The following NKAIN3 variants were observed in gnomAD, a reference collection of about 807,000 sequenced individuals.
The protein encoded by NKAIN3 is sodium/potassium transporting ATPase interacting 3.
In NKAIN3, 25 loss-of-function variants were observed where a neutral mutation model predicts 30.2. The observed-to-expected ratio is 0.83, with a 90% CI of 0.60 to 1.16. NKAIN3 has a LOEUF of 1.16. Ranked by LOEUF, NKAIN3 falls within the 50% of genes most tolerant of loss-of-function variation. The probability of loss-of-function intolerance (pLI) is 0.00; values close to 1 mark genes in which losing one functional copy is unlikely to be tolerated. For synonymous variants in NKAIN3, 91 were observed against 89.6 expected (o/e 1.02, Z -0.09); for missense variants, 225 against 254.1 (o/e 0.89, Z 0.78).
At chr8:62,939,072 T>A (rs1385566206) in intron 5 of NKAIN3, among the ~76,000 whole-genome samples, 1 of 152,056 alleles carries the variant, frequency 6.6e-6, no homozygotes, top group Non-Finnish European at 1.5e-5. Context: ...TCACAATTTC[T>A]GGAAATGAAG....
chr8:62,331,163 C>T (rs373847257), intron 1 of NKAIN3, among the ~76,000 whole-genome samples: 1 of 148,418 alleles, frequency 6.7e-6, no homozygotes, highest in Non-Finnish European at 1.5e-5. Flanking sequence ...TTCCTCCCCC[C>T]CAAAGCCCTA....
At chr8:62,880,829 T>C (rs1188088896) in intron 4 of NKAIN3, among the ~76,000 whole-genome samples, 1 of 152,204 alleles carries the variant, frequency 6.6e-6, no homozygotes, top group Non-Finnish European at 1.5e-5. Context: ...TGGCCAAGCA[T>C]ACACGTGCTG....
At chr8:62,770,753 G>T (rs1816983059) in intron 4 of NKAIN3, among the ~76,000 whole-genome samples, 1 of 149,930 alleles carries the variant, frequency 6.7e-6, no homozygotes. Flanking sequence ...AACAGCCCAG[G>T]ATAAAAAATA....
At chr8:62,451,311 C>A (rs1187951111) in intron 1 of NKAIN3, among the ~76,000 whole-genome samples, 1 of 143,576 alleles carries the variant, frequency 7.0e-6, no homozygotes, top group African/African-American at 2.6e-5. Flanking sequence ...CCCCTCCCCT[C>A]CCCTCTCCTT....
chr8:62,813,499 C>CTTTTTTTTTTT (rs34402019), intron 4 of NKAIN3, among the ~76,000 whole-genome samples: 1 of 141,540 alleles, frequency 7.1e-6, no homozygotes, highest in Non-Finnish European at 1.6e-5. Flanking sequence ...TTGAGTCTTC[C>CTTTTTTTTTTT]TTTTTTTTTT....
intron 3 of NKAIN3, among the ~76,000 whole-genome samples, chr8:62,740,628 T>C (rs1055451138): frequency 4.4e-5 from 4 of 91,206 alleles, no homozygotes; most frequent in Non-Finnish European, 8.4e-5. Flanking sequence ...TGGTATACTG[T>C]AAAGAAGTGA....
chr8:62,968,119 C>A lies in NKAIN3; in HGVS notation c.*2712C>A, dbSNP rs559230906. Among the ~76,000 whole-genome samples, 10 of 152,324 alleles carry A rather than the reference C, an allele frequency of 6.6e-5. No homozygotes were observed. The East Asian group carries it at 1.9e-3, about 29-fold the overall frequency. ...CCTAACATTCTGGATATTTGCCACT[C>A]ATCAGAAACAAGTTAGATTGATCTG... On this transcript the variant is annotated 3_prime_UTR_variant, in exon 7 of 7. Transcript: ENST00000623646.
At chr8:62,551,227 G>C (rs1159133497) in intron 1 of NKAIN3, among the ~76,000 whole-genome samples, 1 of 152,076 alleles carries the variant, frequency 6.6e-6, no homozygotes, top group Non-Finnish European at 1.5e-5. Context: ...AGATAAGAGG[G>C]AATGAAGAGG....
At chr8:62,667,065 C>T (rs770842482) in intron 3 of NKAIN3, among the ~76,000 whole-genome samples, 4 of 145,906 alleles carry the variant, frequency 2.7e-5, no homozygotes, top group Non-Finnish European at 5.9e-5. Flanking sequence ...AGCAGCACAC[C>T]GCTTTTCATG....
At chr8:62,706,913 A>G (rs1025491303) in intron 3 of NKAIN3, among the ~76,000 whole-genome samples, 47 of 152,034 alleles carry the variant, frequency 3.1e-4, no homozygotes, top group Admixed American at 2.0e-3. Flanking sequence ...TAGCTCCCAC[A>G]TATCAGTGAG....
At chr8:62,377,811 C>T (rs543296679) in intron 1 of NKAIN3, among the ~76,000 whole-genome samples, 1 of 152,184 alleles carries the variant, frequency 6.6e-6, no homozygotes, top group Non-Finnish European at 1.5e-5. Flanking sequence ...GAGACCTTCC[C>T]AGCTATGCAG....
chr8:62,342,126 A>T (rs1414047224), intron 1 of NKAIN3, among the ~76,000 whole-genome samples: 2 of 151,240 alleles, frequency 1.3e-5, no homozygotes, highest in African/African-American at 4.9e-5. Context: ...ATAGAAAAAA[A>T]TGTTTCCAAT....
intron 3 of NKAIN3, among the ~76,000 whole-genome samples, chr8:62,657,293 A>G (rs1812789212): frequency 6.6e-6 from 1 of 152,200 alleles, no homozygotes; most frequent in Non-Finnish European, 1.5e-5. Context: ...GAAATAATGT[A>G]GCATTACTAA....
At chr8:62,434,008 A>G (rs1805094611) in intron 1 of NKAIN3, among the ~76,000 whole-genome samples, 1 of 152,078 alleles carries the variant, frequency 6.6e-6, no homozygotes, top group African/African-American at 2.4e-5. Flanking sequence ...GCACACAGAT[A>G]TGAGCATGGC....
chr8:62,751,234 C>G (rs755023824), intron 4 of NKAIN3, among the ~76,000 whole-genome samples: 2 of 152,184 alleles, frequency 1.3e-5, no homozygotes, highest in African/African-American at 4.8e-5. Context: ...TCCTACCCCA[C>G]CTGGGCTCCT....
At chr8:62,489,979 T>A (rs1420081531) in intron 1 of NKAIN3, among the ~76,000 whole-genome samples, 1 of 152,208 alleles carries the variant, frequency 6.6e-6, no homozygotes, top group Non-Finnish European at 1.5e-5. Flanking sequence ...AATAAGCCCT[T>A]ATTCAATTTT....
intron 3 of NKAIN3, among the ~76,000 whole-genome samples, chr8:62,694,322 T>C (rs956674570): frequency 2.0e-5 from 3 of 152,158 alleles, no homozygotes; most frequent in African/African-American, 7.2e-5. Context: ...AATGGATGAA[T>C]AGACTTTTAA....
intron 1 of NKAIN3, among the ~76,000 whole-genome samples, chr8:62,387,353 A>G (rs1817461377): frequency 6.6e-6 from 1 of 151,546 alleles, no homozygotes; most frequent in Admixed American, 6.6e-5. Context: ...ATGTAGCAAA[A>G]AAAAAAAAAA....
At chr8:62,729,040 C>CAAAAAAAA (rs1317282077) in intron 3 of NKAIN3, among the ~76,000 whole-genome samples, 12 of 61,178 alleles carry the variant, frequency 2.0e-4, no homozygotes, top group Admixed American at 4.3e-4. Context: ...AAAAAAAAAA[C>CAAAAAAAA]AAAAAAAAAA....
Sources: gnomAD v4.1 joint callset for allele counts (sites outside exome capture counted in the v4.1 genomes callset) on GRCh38, gnomAD v4.1.1 for gene constraint, MANE v1.5 for transcripts, NCBI Gene and HGNC (gene_info 2026-07-23, HGNC 2026-07-21) for gene names.